Variants in NKAIN2 observed in about 807,000 individuals in gnomAD.
NKAIN2 encodes sodium/potassium-transporting ATPase subunit beta-1-interacting protein 2.
NKAIN2 carries 14 observed loss-of-function variants against 32.6 expected under a neutral mutation model. That is an observed-to-expected ratio of 0.43 (90% CI 0.28 to 0.67). The LOEUF (loss-of-function observed/expected upper bound fraction) is 0.67, where lower values mean the gene tolerates loss of function less well. Ranked by LOEUF, NKAIN2 falls within the 30% of genes least tolerant of loss-of-function variation. The pLI is 0.17. For synonymous variants in NKAIN2, 80 were observed against 87.2 expected, an observed-to-expected ratio of 0.92 and a Z score of 0.46; for missense variants, 198 against 258.3, an observed-to-expected ratio of 0.77 and a Z score of 1.60.
At chr6:124,100,942 G>C (rs1458232713) in intron 1 of NKAIN2, among the ~76,000 whole-genome samples, 2 of 152,184 alleles carry the variant, frequency 1.3e-5, no homozygotes, top group Non-Finnish European at 2.9e-5. Context: ...ACAATTTTAT[G>C]TCTGAGTGAA....
intron 3 of NKAIN2, among the ~76,000 whole-genome samples, chr6:124,561,322 C>T (rs1223416884): frequency 6.6e-6 from 1 of 152,180 alleles, no homozygotes; most frequent in African/African-American, 2.4e-5. Flanking sequence ...AGCCATTCAT[C>T]ATCTCTTTCC....
intron 1 of NKAIN2, among the ~76,000 whole-genome samples, chr6:124,260,797 T>C (rs1174694272): frequency 1.3e-5 from 2 of 152,186 alleles, no homozygotes; most frequent in African/African-American, 4.8e-5. Flanking sequence ...TGAGCTATTG[T>C]AGAGAAAATT....
chr6:124,348,483 G>A (rs1798550511), intron 2 of NKAIN2, among the ~76,000 whole-genome samples: 1 of 152,238 alleles, frequency 6.6e-6, no homozygotes. Context: ...GTGGTGGGCT[G>A]CACCCAGTTT....
intron 1 of NKAIN2, among the ~76,000 whole-genome samples, chr6:124,191,399 A>C (rs1269773683): frequency 6.6e-6 from 1 of 152,010 alleles, no homozygotes; most frequent in African/African-American, 2.4e-5. Context: ...TTATTAATTT[A>C]ATTTAAAAAG....
At chr6:124,425,807 A>G (rs1370756244) in intron 3 of NKAIN2, among the ~76,000 whole-genome samples, 3 of 152,142 alleles carry the variant, frequency 2.0e-5, no homozygotes. Context: ...AAAAATAACA[A>G]GTGTTGGAGG....
intron 3 of NKAIN2, among the ~76,000 whole-genome samples, chr6:124,539,239 A>G (rs1310638377): frequency 2.0e-5 from 3 of 152,180 alleles, no homozygotes; most frequent in African/African-American, 7.2e-5. Flanking sequence ...CTCTTGTCCA[A>G]TGATGAGAGA....
chr6:124,356,078 G>C (rs576421806), intron 3 of NKAIN2, among the ~76,000 whole-genome samples: 1 of 152,180 alleles, frequency 6.6e-6, no homozygotes, highest in Admixed American at 6.5e-5. Flanking sequence ...GTACTTCCTC[G>C]TATTTAAAAC....
intron 3 of NKAIN2, among the ~76,000 whole-genome samples, chr6:124,598,046 C>T (rs2114974493): frequency 6.6e-6 from 1 of 152,244 alleles, no homozygotes; most frequent in African/African-American, 2.4e-5. Context: ...AACTTTGAAG[C>T]TGTCTAACCT....
intron 3 of NKAIN2, among the ~76,000 whole-genome samples, chr6:124,504,942 T>C (rs1778419342): frequency 6.6e-6 from 1 of 152,234 alleles, no homozygotes; most frequent in Non-Finnish European, 1.5e-5. Context: ...TGTACTTCTC[T>C]CTACATTCTT....
intron 1 of NKAIN2, among the ~76,000 whole-genome samples, chr6:124,174,175 T>C (rs1008200178): frequency 2.6e-5 from 4 of 152,136 alleles, no homozygotes; most frequent in African/African-American, 9.7e-5. Context: ...ATACACTCCA[T>C]AATAAAATGA....
At chr6:124,581,185 A>G (rs1039958544) in intron 3 of NKAIN2, among the ~76,000 whole-genome samples, 4 of 152,006 alleles carry the variant, frequency 2.6e-5, no homozygotes, top group African/African-American at 9.7e-5. Context: ...CACGCCTGTA[A>G]TCCCAGCACT....
At chr6:124,442,669 A>T (rs1018366749) in intron 3 of NKAIN2, among the ~76,000 whole-genome samples, 4 of 152,094 alleles carry the variant, frequency 2.6e-5, no homozygotes, top group African/African-American at 9.7e-5. Flanking sequence ...CTAGATTATA[A>T]TGGGTAGTTC....
chr6:123,930,322 A>G (rs1776197762), intron 1 of NKAIN2, among the ~76,000 whole-genome samples: 1 of 152,094 alleles, frequency 6.6e-6, no homozygotes, highest in African/African-American at 2.4e-5. Flanking sequence ...TTTAGTTGGA[A>G]TTTTTCAGAT....
chr6:123,891,282 T>G (rs1582724888), intron 1 of NKAIN2, among the ~76,000 whole-genome samples: 1 of 152,178 alleles, frequency 6.6e-6, no homozygotes, highest in Admixed American at 6.5e-5. Context: ...GATACAACAC[T>G]GTGAATGTAC....
intron 3 of NKAIN2, among the ~76,000 whole-genome samples, chr6:124,407,985 A>T (rs563783537): frequency 0.022 from 3,284 of 152,146 alleles, 48 homozygotes; most frequent in Non-Finnish European, 0.032. Flanking sequence ...TTGGCTGCAT[A>T]AATGTCTTCT....
At chr6:124,339,738 C>T (rs562367017) in intron 2 of NKAIN2, among the ~76,000 whole-genome samples, 3 of 152,048 alleles carry the variant, frequency 2.0e-5, no homozygotes, top group Non-Finnish European at 4.4e-5. Flanking sequence ...TTATTTTTTG[C>T]TATAATAGTA....
chr6:124,358,327 T>C (rs1799092576), intron 3 of NKAIN2, among the ~76,000 whole-genome samples: 1 of 152,106 alleles, frequency 6.6e-6, no homozygotes, highest in South Asian at 2.1e-4. Flanking sequence ...TATTTCTAGT[T>C]CTAGATCCCT....
chr6:124,689,065 A>T (rs183785809), intron 4 of NKAIN2, among the ~76,000 whole-genome samples: 2 of 152,236 alleles, frequency 1.3e-5, no homozygotes, highest in East Asian at 3.9e-4. Flanking sequence ...CTGTCTTCCA[A>T]AATTGCTATA....
intron 3 of NKAIN2, among the ~76,000 whole-genome samples, chr6:124,463,166 ATG>A (rs932687161): frequency 1.3e-5 from 2 of 151,834 alleles, no homozygotes; most frequent in East Asian, 1.9e-4. Context: ...GTGTGTGTGT[ATG>A]TGTGTGTGTT....
Sources: allele counts gnomAD v4.1 joint callset (sites outside exome capture counted in the v4.1 genomes callset), GRCh38; gene constraint gnomAD v4.1.1; transcripts MANE v1.5; gene names NCBI Gene and HGNC (gene_info 2026-07-23, HGNC 2026-07-21).